The following GAB2 variants were observed in gnomAD, a reference collection of about 807,000 sequenced individuals.
GAB2 encodes the protein GRB2-associated-binding protein 2.
In GAB2, 26 loss-of-function variants were observed where a neutral mutation model predicts 65.5. The observed-to-expected ratio is 0.40, with a 90% CI of 0.29 to 0.55. The LOEUF (loss-of-function observed/expected upper bound fraction) is 0.55, where lower values mean the gene tolerates loss of function less well. GAB2 is among the 20% of genes least tolerant of loss of function. The pLI is 0.53. For missense variants in GAB2, 884 were observed against 875.8 expected, an observed-to-expected ratio of 1.01 and a Z score of -0.12; for synonymous variants, 321 against 329.6, an observed-to-expected ratio of 0.97 and a Z score of 0.28.
chr11:78,285,018 A>G (rs1003945070), intron 1 of GAB2, among the ~76,000 whole-genome samples: 1 of 152,226 alleles, frequency 6.6e-6, no homozygotes, highest in African/African-American at 2.4e-5. Context: ...GGAGCTGAGA[A>G]AAATAAAAAT....
At chr11:78,244,270 T>C (rs1487144537) in intron 3 of GAB2, among the ~76,000 whole-genome samples, 1 of 152,076 alleles carries the variant, frequency 6.6e-6, no homozygotes, top group African/African-American at 2.4e-5. Context: ...TACATGACTG[T>C]GGTTCCAGCT....
intron 2 of GAB2, among the ~76,000 whole-genome samples, chr11:78,254,506 G>C (rs775711039): frequency 1.3e-5 from 2 of 152,086 alleles, no homozygotes; most frequent in Non-Finnish European, 2.9e-5. Context: ...TCCATCTAAT[G>C]ATCTATAGCT....
intron 3 of GAB2, among the ~76,000 whole-genome samples, chr11:78,227,678 T>TA (rs1213417563): frequency 6.8e-6 from 1 of 146,518 alleles, no homozygotes. Context: ...TGCACACCTG[T>TA]AGTCCTAGCT....
chr11:78,414,578 G>A (rs1277751229), intron 1 of GAB2, among the ~76,000 whole-genome samples: 3 of 152,022 alleles, frequency 2.0e-5, no homozygotes, highest in African/African-American at 2.4e-5. Context: ...GCATGCACGC[G>A]CATACACACA....
chr11:78,318,384 A>AAAAAAAAAAAAAAAAAAAAAAAAAAC (rs1855657399), intron 1 of GAB2, among the ~76,000 whole-genome samples: 2 of 145,208 alleles, frequency 1.4e-5, no homozygotes, highest in African/African-American at 2.5e-5. Flanking sequence ...AAAAAAAAAA[A>AAAAAAAAAAAAAAAAAAAAAAAAAAC]AAGCTGTGAA....
chr11:78,297,099 T>A (rs1003590070), intron 1 of GAB2, among the ~76,000 whole-genome samples: 3 of 152,118 alleles, frequency 2.0e-5, no homozygotes, highest in Non-Finnish European at 4.4e-5. Context: ...AGTATTGATT[T>A]TGGGGTTACA....
chr11:78,239,095 TAAG>T (rs1865061853), intron 3 of GAB2, among the ~76,000 whole-genome samples: 2 of 148,462 alleles, frequency 1.3e-5, no homozygotes, highest in Middle Eastern at 3.5e-3. Context: ...CCATTTCTAT[TAAG>T]AAAAAAAAAA....
intron 1 of GAB2, among the ~76,000 whole-genome samples, chr11:78,416,379 C>T (rs1003853095): frequency 1.3e-5 from 2 of 152,228 alleles, no homozygotes; most frequent in Admixed American, 6.5e-5. Context: ...CAGAATGTCA[C>T]TTCCTCAGTC....
At chr11:78,401,904 A>G (rs1004900930) in intron 1 of GAB2, among the ~76,000 whole-genome samples, 2 of 152,222 alleles carry the variant, frequency 1.3e-5, no homozygotes, top group African/African-American at 4.8e-5. Context: ...GATTAGGACC[A>G]CAATAGAAAC....
At chr11:78,259,250 A>G (rs1412037046) in intron 2 of GAB2, among the ~76,000 whole-genome samples, 5 of 152,228 alleles carry the variant, frequency 3.3e-5, no homozygotes, top group African/African-American at 9.7e-5. Context: ...AGGATTTGAT[A>G]TGAAATATAG....
chr11:78,247,414 C>T (rs1865328452), intron 3 of GAB2, among the ~76,000 whole-genome samples: 1 of 152,100 alleles, frequency 6.6e-6, no homozygotes, highest in Admixed American at 6.5e-5. Flanking sequence ...ATCCTTTACC[C>T]ACAATAGATT....
At chr11:78,347,817 A>G (rs1370766459) in intron 1 of GAB2, among the ~76,000 whole-genome samples, 1 of 152,194 alleles carries the variant, frequency 6.6e-6, no homozygotes. Flanking sequence ...AGAGAAGGAA[A>G]GGGCATGACA....
chr11:78,216,670 C>G lies in GAB2; in HGVS notation c.*2602G>C, dbSNP rs535784008. 6.6e-6 allele frequency: 1 copy of G among 152,174 alleles called. No homozygotes were observed. The highest frequency in any genetic ancestry group is 1.5e-5 in the Non-Finnish European group (1 of 68,054). 9.4% of individuals were successfully genotyped at this position (152,174 alleles called of 1,614,324 possible). On this transcript the variant is annotated 3_prime_UTR_variant, in exon 10 of 10. Coordinates refer to ENST00000361507, the MANE Select transcript of GAB2 (RefSeq NM_080491.3). ...GGAGATTCGATTTGAACACCTCAGT[C>G]GCTCTCCGAAGATTCCAGCCAGGTC...
At chr11:78,319,908 C>T (rs1202845485) in intron 1 of GAB2, among the ~76,000 whole-genome samples, 3 of 151,170 alleles carry the variant, frequency 2.0e-5, no homozygotes, top group African/African-American at 4.9e-5. Flanking sequence ...TGCTCTGTCA[C>T]CCAGGGTGGA....
At chr11:78,341,918 T>C (rs952078519) in intron 1 of GAB2, 277 of 983,260 alleles carry the variant, frequency 2.8e-4, no homozygotes, top group Non-Finnish European at 2.7e-4. Flanking sequence ...AGTGCAATGT[T>C]TAAAAATGCC....
chr11:78,244,925 C>T (rs1664742719), intron 3 of GAB2, among the ~76,000 whole-genome samples: 1 of 152,124 alleles, frequency 6.6e-6, no homozygotes, highest in African/African-American at 2.4e-5. Context: ...TCCAGCAATC[C>T]CATTACTGGG....
intron 1 of GAB2, among the ~76,000 whole-genome samples, chr11:78,393,629 A>C (rs1430816151): frequency 2.0e-5 from 3 of 152,240 alleles, no homozygotes; most frequent in Non-Finnish European, 1.5e-5. Context: ...CTTTTGCAGA[A>C]ATTCATCCTA....
At chr11:78,359,011 T>C (rs958031636) in intron 1 of GAB2, among the ~76,000 whole-genome samples, 2 of 151,410 alleles carry the variant, frequency 1.3e-5, no homozygotes, top group African/African-American at 4.9e-5. Flanking sequence ...AGCTAAAGAG[T>C]TAGTCAACTG....
At chr11:78,220,294 G>GC (rs761948853) in intron 9 of GAB2, 25 bp downstream of exon 9, 88 of 1,610,052 alleles carry the variant, frequency 5.5e-5, no homozygotes, top group Admixed American at 1.7e-4. Context: ...AGCTCTTACT[G>GC]CCCCCCCAAC....
Sources: gnomAD v4.1 joint callset for allele counts (sites outside exome capture counted in the v4.1 genomes callset) on GRCh38, gnomAD v4.1.1 for gene constraint, MANE v1.5 for transcripts, NCBI Gene and HGNC (gene_info 2026-07-23, HGNC 2026-07-21) for gene names.